The following CA10 variants were observed in gnomAD, a reference collection of about 807,000 sequenced individuals.
The protein encoded by CA10 is carbonic anhydrase-related protein 10.
Under a neutral mutation model 44.2 loss-of-function variants are expected in CA10, and 14 were observed. That is an observed-to-expected ratio of 0.32 (90% CI 0.21 to 0.50). CA10 has a LOEUF of 0.50. Among genes scored for constraint, CA10 ranks in the 20% least tolerant of loss-of-function variants. CA10 has a pLI of 0.99. For missense variants in CA10, 350 were observed against 409.7 expected (o/e 0.85, Z 1.26); for synonymous variants, 159 against 141.6 (o/e 1.12, Z -0.87).
rs906463970 is a variant in CA10, at chr17:51,938,386, C to T, written c.137-7254G>A. ...CAGGCAGAAGGGTACAGGGAGGCAACTTTCAGATGCCCACCCAACCCAGCC... is the reference window on the plus strand; with the variant it reads ...CAGGCAGAAGGGTACAGGGAGGCAATTTTCAGATGCCCACCCAACCCAGCC... On this transcript the variant is annotated intron_variant, in intron 2 of 8. Coordinates refer to ENST00000451037, the MANE Select transcript of CA10 (RefSeq NM_020178.5). Among the ~76,000 whole-genome samples, 5 of 152,036 alleles carry T rather than the reference C, an allele frequency of 3.3e-5. No homozygotes were observed. The East Asian group carries it at 9.7e-4, about 29-fold the overall frequency.
intron 6 of CA10, among the ~76,000 whole-genome samples, chr17:51,646,553 T>A (rs1382595134): frequency 6.6e-6 from 1 of 152,164 alleles, no homozygotes; most frequent in Non-Finnish European, 1.5e-5. Context: ...GATACCCTGA[T>A]AGGGCCCCCT....
chr17:52,015,203 T>C (rs1156382857), intron 2 of CA10, among the ~76,000 whole-genome samples: 4 of 152,014 alleles, frequency 2.6e-5, no homozygotes, highest in African/African-American at 9.7e-5. Context: ...ATAATGACAC[T>C]TTTTCTAAGA....
intron 3 of CA10, among the ~76,000 whole-genome samples, chr17:51,784,746 A>G (rs544755282): frequency 4.6e-5 from 7 of 152,266 alleles, no homozygotes; most frequent in Admixed American, 6.5e-5. Flanking sequence ...CGGAGTATCC[A>G]TCCCCTCAAG....
chr17:51,785,179 A>C (rs1386003118), intron 3 of CA10, among the ~76,000 whole-genome samples: 1 of 152,150 alleles, frequency 6.6e-6, no homozygotes, highest in East Asian at 1.9e-4. Flanking sequence ...TCATCTGCTG[A>C]TGGACACTTA....
chr17:52,092,477 G>A (rs1012797372), intron 1 of CA10, among the ~76,000 whole-genome samples: 3 of 152,096 alleles, frequency 2.0e-5, no homozygotes, highest in Admixed American at 6.5e-5. Context: ...CGTGGACCCC[G>A]GAGTAACACC....
chr17:51,728,620 C>CGT (rs1916608650), intron 4 of CA10, among the ~76,000 whole-genome samples: 3 of 152,162 alleles, frequency 2.0e-5, no homozygotes, highest in African/African-American at 7.2e-5. Context: ...GGGGAAAGTG[C>CGT]CCTTCTCTTC....
At chr17:52,034,995 C>T (rs768873101) in intron 2 of CA10, among the ~76,000 whole-genome samples, 4 of 152,124 alleles carry the variant, frequency 2.6e-5, no homozygotes, top group Non-Finnish European at 5.9e-5. Flanking sequence ...AACTGTATAA[C>T]TGGAAGGCTC....
At chr17:52,086,710 T>G (rs2143194280) in intron 1 of CA10, among the ~76,000 whole-genome samples, 1 of 152,320 alleles carries the variant, frequency 6.6e-6, no homozygotes, top group Admixed American at 6.5e-5. Context: ...GTAAATATTT[T>G]TTGGAGAACA....
At chr17:52,156,387 C>T (rs1989804267) in intron 1 of CA10, among the ~76,000 whole-genome samples, 1 of 152,190 alleles carries the variant, frequency 6.6e-6, no homozygotes, top group African/African-American at 2.4e-5. Context: ...ATTTTCTTGT[C>T]TGCCAGGTAC....
chr17:52,072,718 A>ACACACACAC (rs1987717611), intron 1 of CA10, among the ~76,000 whole-genome samples: 1 of 85,880 alleles, frequency 1.2e-5, no homozygotes, highest in Non-Finnish European at 2.4e-5. Flanking sequence ...CACACACACA[A>ACACACACAC]CACACACACA....
At chr17:51,763,511 C>T (rs905825014) in intron 3 of CA10, 11 of 152,176 alleles carry the variant, frequency 7.2e-5, no homozygotes, top group Non-Finnish European at 1.5e-5. Flanking sequence ...TTTCTATACA[C>T]AGAAGACAAT....
At chr17:51,849,550 G>A (rs887414428) in intron 3 of CA10, among the ~76,000 whole-genome samples, 11 of 151,830 alleles carry the variant, frequency 7.2e-5, no homozygotes, top group Admixed American at 2.0e-4. Context: ...TAGCTGTGAC[G>A]ACCTTGGTCA....
chr17:51,759,278 G>C (rs182847481), intron 3 of CA10, among the ~76,000 whole-genome samples: 10 of 151,934 alleles, frequency 6.6e-5, no homozygotes, highest in Admixed American at 6.6e-4. Context: ...CTGTGCTGCT[G>C]CTCCTTTCAT....
intron 4 of CA10, among the ~76,000 whole-genome samples, chr17:51,700,597 A>G (rs1029006223): frequency 6.6e-6 from 1 of 151,702 alleles, no homozygotes; most frequent in Non-Finnish European, 1.5e-5. Context: ...TCTCACCTTC[A>G]CGTCTCCGTG....
At chr17:52,149,361 T>G (rs926977822) in intron 1 of CA10, among the ~76,000 whole-genome samples, 1 of 152,250 alleles carries the variant, frequency 6.6e-6, no homozygotes, top group South Asian at 2.1e-4. Context: ...GTATGCTGTG[T>G]CCTTCATAAC....
intron 2 of CA10, among the ~76,000 whole-genome samples, chr17:51,977,815 A>G (rs902483568): frequency 1.3e-5 from 2 of 152,170 alleles, no homozygotes; most frequent in Non-Finnish European, 2.9e-5. Flanking sequence ...TTCCTGTGAA[A>G]CTAAAGTGAA....
At chr17:51,704,473 T>C (rs1446182892) in intron 4 of CA10, among the ~76,000 whole-genome samples, 1 of 152,224 alleles carries the variant, frequency 6.6e-6, no homozygotes, top group Non-Finnish European at 1.5e-5. Context: ...TAAAATAATG[T>C]AGCTGAACTC....
chr17:52,066,496 G>T (rs1017676740), intron 2 of CA10, among the ~76,000 whole-genome samples: 2 of 152,204 alleles, frequency 1.3e-5, no homozygotes, highest in African/African-American at 4.8e-5. Flanking sequence ...TGTTCTTGTA[G>T]TGAATGAGTC....
chr17:52,040,177 A>G (rs1450610407), intron 2 of CA10, among the ~76,000 whole-genome samples: 1 of 139,390 alleles, frequency 7.2e-6, no homozygotes, highest in Admixed American at 7.4e-5. Context: ...TTCTCAAGTC[A>G]CTTTCAAAAT....
Sources: allele counts gnomAD v4.1 joint callset (sites outside exome capture counted in the v4.1 genomes callset), GRCh38; gene constraint gnomAD v4.1.1; transcripts MANE v1.5; gene names NCBI Gene and HGNC (gene_info 2026-07-23, HGNC 2026-07-21).